The following PBX1 variants were observed in gnomAD, a reference collection of about 807,000 sequenced individuals.
PBX1 encodes PBX homeobox 1.
PBX1 carries 6 observed loss-of-function variants against 53.4 expected under a neutral mutation model. The ratio of observed to expected loss-of-function variants is 0.11; its 90% CI spans 0.06 to 0.22. The LOEUF (loss-of-function observed/expected upper bound fraction) is 0.22, where lower values mean the gene tolerates loss of function less well. PBX1 is among the 10% of genes least tolerant of loss of function. The pLI is 1.00. For synonymous variants in PBX1, 204 were observed against 212.3 expected (o/e 0.96, Z 0.34); for missense variants, 251 against 551.4 (o/e 0.46, Z 5.46).
At chr1:164,728,825 A>G (rs1664832882) in intron 2 of PBX1, among the ~76,000 whole-genome samples, 1 of 152,204 alleles carries the variant, frequency 6.6e-6, no homozygotes, top group African/African-American at 2.4e-5. Flanking sequence ...CACCCACCGC[A>G]ACATATTTCA....
chr1:164,661,616 G>A (rs139961648), intron 2 of PBX1, among the ~76,000 whole-genome samples: 3,103 of 151,878 alleles, frequency 0.02, 113 homozygotes, highest in African/African-American at 0.071. Flanking sequence ...TAGTAGAGAC[G>A]GGGTTTCACC....
intron 2 of PBX1, chr1:164,684,860 A>G (rs1343732669): frequency 6.6e-6 from 1 of 152,138 alleles, no homozygotes; most frequent in Non-Finnish European, 1.5e-5. Flanking sequence ...TTTTGCTTGC[A>G]CTCATTTCCA....
intron 2 of PBX1, among the ~76,000 whole-genome samples, chr1:164,585,925 C>T (rs568275904): frequency 3.2e-4 from 49 of 152,324 alleles, no homozygotes; most frequent in African/African-American, 1.1e-3. Flanking sequence ...TTCTGTATAA[C>T]ATCCTTTGAA....
At chr1:164,617,207 A>G (rs182067927) in intron 2 of PBX1, among the ~76,000 whole-genome samples, 112 of 152,334 alleles carry the variant, frequency 7.4e-4, no homozygotes, top group African/African-American at 2.0e-3. Context: ...TAATGGGACC[A>G]AGGTGACAAG....
intron 2 of PBX1, among the ~76,000 whole-genome samples, chr1:164,881,242 T>A (rs541187767): frequency 6.6e-6 from 1 of 151,080 alleles, no homozygotes; most frequent in South Asian, 2.1e-4. Context: ...TAAAAGCCAG[T>A]TGATACTTGG....
At chr1:164,761,804 CT>C (rs951859464) in intron 2 of PBX1, among the ~76,000 whole-genome samples, 2 of 152,138 alleles carry the variant, frequency 1.3e-5, no homozygotes, top group African/African-American at 4.8e-5. Context: ...TTAGTTCAGG[CT>C]ATACCTTTAT....
At chr1:164,881,623 AGAAGAAAAAAGGGG>A (rs1672661747) in intron 2 of PBX1, among the ~76,000 whole-genome samples, 6 of 150,708 alleles carry the variant, frequency 4.0e-5, no homozygotes, top group African/African-American at 1.2e-4. Context: ...AAGGAAAGGA[AGAAGAAAAAAGGGG>A]AGGAAAAGTG....
At chr1:164,650,229 CTTT>C (rs1401791742) in intron 2 of PBX1, among the ~76,000 whole-genome samples, 8 of 129,662 alleles carry the variant, frequency 6.2e-5, no homozygotes, top group Admixed American at 1.5e-4. Context: ...TTCTTTGCTA[CTTT>C]TTTTTTTTTT....
intron 2 of PBX1, among the ~76,000 whole-genome samples, chr1:164,729,913 G>T (rs549600349): frequency 1.3e-5 from 2 of 152,144 alleles, no homozygotes; most frequent in Non-Finnish European, 2.9e-5. Flanking sequence ...TTGTACATTC[G>T]TTGTCTCATT....
chr1:164,672,262 T>G (rs1361421412), intron 2 of PBX1, among the ~76,000 whole-genome samples: 1 of 152,144 alleles, frequency 6.6e-6, no homozygotes, highest in Admixed American at 6.5e-5. Context: ...CTGTCATCGG[T>G]GGGCACTGCT....
intron 2 of PBX1, among the ~76,000 whole-genome samples, chr1:164,609,801 C>T (rs1178314099): frequency 6.6e-6 from 1 of 152,200 alleles, no homozygotes; most frequent in African/African-American, 2.4e-5. Flanking sequence ...AAGCCAGTGA[C>T]TGGCACGTAG....
At chr1:164,776,973 GAGAGAGGAGGTGT>G (rs1667696822) in intron 2 of PBX1, among the ~76,000 whole-genome samples, 1 of 111,516 alleles carries the variant, frequency 9.0e-6, no homozygotes, top group Non-Finnish European at 1.8e-5. Context: ...GAGAGAGAGA[GAGAGAGGAGGTGT>G]GGGGGGGCGG....
rs1053061851 is a variant in PBX1, at chr1:164,849,568, G to C, written c.*2892G>C. The C allele has an allele frequency of 1.9e-6, 2 of 1,062,256 alleles. No individual in the cohort carries two copies. Among genetic ancestry groups the C allele is most frequent in the African/African-American group, 3.2e-5 (2 of 62,954 alleles). 65.8% of individuals were successfully genotyped at this position (1,062,256 alleles called of 1,614,324 possible). On this transcript the variant is annotated 3_prime_UTR_variant, in exon 9 of 9. Transcript: ENST00000420696. ...TTCATTTTCTAATAGATGTGGGAGT[G>C]CTCCATTTTCCCCGACAGCGAATTT...
intron 2 of PBX1, among the ~76,000 whole-genome samples, chr1:164,578,249 T>C (rs1468325676): frequency 6.6e-6 from 1 of 152,218 alleles, no homozygotes; most frequent in Non-Finnish European, 1.5e-5. Flanking sequence ...GTAGAGGTTA[T>C]GGAAGCTCAA....
intron 2 of PBX1, among the ~76,000 whole-genome samples, chr1:164,861,201 G>T (rs1360321340): frequency 6.6e-6 from 1 of 152,084 alleles, no homozygotes; most frequent in Non-Finnish European, 1.5e-5. Context: ...TCAGGATCTC[G>T]GTAGTTAGAA....
At chr1:164,864,111 G>A (rs1672161664) in intron 2 of PBX1, among the ~76,000 whole-genome samples, 1 of 152,210 alleles carries the variant, frequency 6.6e-6, no homozygotes, top group African/African-American at 2.4e-5. Context: ...CACGGGCAGG[G>A]TGACTCAAGT....
At position 164,821,528 on chromosome 1, in the gene PBX1, T is replaced by C. The variant is rs372802929; in HGVS notation, c.1111-9T>C. On this transcript the variant is annotated splice_polypyrimidine_tract_variant and intron_variant, in intron 7 of 8. Coordinates refer to ENST00000420696, the MANE Select transcript of PBX1 (RefSeq NM_002585.4). ...CTAATTTTCTCTCTGTTATTGTTCATCTGTTTAGGTGGATACCCTTCGCCA... is the reference window on the plus strand; with the variant it reads ...CTAATTTTCTCTCTGTTATTGTTCACCTGTTTAGGTGGATACCCTTCGCCA... 2.1e-5 allele frequency: 33 copies of C among 1,609,240 alleles called. No individual in the cohort carries two copies. In the African/African-American group the frequency reaches 4.1e-4, roughly 20 times the overall value.
rs78479539 is a variant in PBX1 at position 164,672,710 on chromosome 1, G to A, written c.265+109399G>A. The stretch of plus-strand genomic sequence containing the variant: ...GAATATCACATAAATGTGTAGCGGC[G>A]TGCCTTTGCATCATGTGTGTACATC... On this transcript the variant is annotated intron_variant, in intron 2 of 8. Coordinates refer to ENST00000420696, the MANE Select transcript of PBX1 (RefSeq NM_002585.4). 5.3e-3 allele frequency among the ~76,000 whole-genome samples: 803 copies of A among 152,268 alleles called. 5 individuals carry two copies. Among genetic ancestry groups the A allele is most frequent in the Admixed American group, 7.1e-3 (109 of 15,296 alleles).
intron 6 of PBX1, 23 bp downstream of exon 6, chr1:164,812,172 G>T: frequency 1.3e-6 from 2 of 1,592,752 alleles, no homozygotes; most frequent in Non-Finnish European, 8.6e-7. Context: ...TTTGATTGGG[G>T]GTGGGGGAAG....
Sources: gnomAD v4.1 joint callset for allele counts (sites outside exome capture counted in the v4.1 genomes callset) on GRCh38, gnomAD v4.1.1 for gene constraint, MANE v1.5 for transcripts, NCBI Gene and HGNC (gene_info 2026-07-23, HGNC 2026-07-21) for gene names.